UBE2D1: variants seen among roughly 807,000 people sequenced by gnomAD.
The protein encoded by UBE2D1 is ubiquitin-conjugating enzyme E2 D1.
Under a neutral mutation model 24.6 loss-of-function variants are expected in UBE2D1, and 9 were observed. That is an observed-to-expected ratio of 0.37 (90% confidence interval 0.22 to 0.64). The LOEUF (loss-of-function observed/expected upper bound fraction) is 0.64. UBE2D1 is among the 30% of genes least tolerant of loss of function. The pLI, the probability that UBE2D1 is intolerant of heterozygous loss-of-function variation, is 0.64. For missense variants in UBE2D1, 87 were observed against 177.1 expected (o/e 0.49, Z 2.89); for synonymous variants, 57 against 57.6 (o/e 0.99, Z 0.04).
chr10:58,347,073 A>T (rs1840025438), intron 1 of UBE2D1, among the ~76,000 whole-genome samples: 2 of 152,146 alleles, frequency 1.3e-5, no homozygotes, highest in African/African-American at 4.8e-5. Flanking sequence ...CCCAGATATT[A>T]AGATTGTCTG....
chr10:58,341,417 G>T (rs1839960254), intron 1 of UBE2D1, among the ~76,000 whole-genome samples: 1 of 152,104 alleles, frequency 6.6e-6, no homozygotes, highest in African/African-American at 2.4e-5. Context: ...AATAAGCCAC[G>T]ATGTAAATTT....
At chr10:58,359,013 TAAA>T (rs35713196) in intron 1 of UBE2D1, among the ~76,000 whole-genome samples, 1 of 115,146 alleles carries the variant, frequency 8.7e-6, no homozygotes. Context: ...ACCAGCTATT[TAAA>T]AAAAAAAAAA....
At chr10:58,361,073 T>C (rs1840191880) in intron 1 of UBE2D1, 1 of 543,564 alleles carries the variant, frequency 1.8e-6, no homozygotes, top group Admixed American at 3.1e-5. Context: ...AGGTACTCAT[T>C]AAATAGTTTT....
At chr10:58,337,160 A>G (rs1309248825) in intron 1 of UBE2D1, among the ~76,000 whole-genome samples, 2 of 152,152 alleles carry the variant, frequency 1.3e-5, no homozygotes, top group African/African-American at 4.8e-5. Flanking sequence ...AATTACTTAC[A>G]TAGAATTGAT....
intron 1 of UBE2D1, among the ~76,000 whole-genome samples, chr10:58,344,503 C>T (rs1052664536): frequency 1.3e-5 from 2 of 151,584 alleles, no homozygotes; most frequent in African/African-American, 2.4e-5. Context: ...AATGTATTTG[C>T]TGTTTTTTTT....
Position 58,347,669 on chromosome 10 carries a change from C to T in UBE2D1, c.24+12444C>T, listed in dbSNP as rs184822288. 1.6e-4 allele frequency among the ~76,000 whole-genome samples: 21 copies of T among 133,974 alleles called. No homozygotes were observed. The East Asian group carries it at 2.7e-3, about 17-fold the overall frequency. 87.9% of individuals were successfully genotyped at this position (133,974 alleles called of 152,430 possible). A position where few individuals can be genotyped will look rare whatever the true frequency, so the allele number is the denominator to read the frequency against. Reference sequence around the variant, plus strand: ...TTTTTTTTTTTTTTTTGCCCCGAGACGGAGTTTTGCTCTTTTTGCCCAGGC... The same window carrying T: ...TTTTTTTTTTTTTTTTGCCCCGAGATGGAGTTTTGCTCTTTTTGCCCAGGC... On this transcript the variant is annotated intron_variant, in intron 1 of 6. Coordinates refer to ENST00000373910, the MANE Select transcript of UBE2D1 (RefSeq NM_003338.5).
chr10:58,339,788 T>G, intron 1 of UBE2D1, among the ~76,000 whole-genome samples: 1 of 152,222 alleles, frequency 6.6e-6, no homozygotes, highest in South Asian at 2.1e-4. Context: ...TAGAATCTTT[T>G]ATTTAATACC....
chr10:58,338,503 AGAG>A (rs757589311), intron 1 of UBE2D1, among the ~76,000 whole-genome samples: 1 of 152,228 alleles, frequency 6.6e-6, no homozygotes, highest in Non-Finnish European at 1.5e-5. Flanking sequence ...ATGTCTGAAA[AGAG>A]GAGGACAGTT....
Position 58,335,010 on chromosome 10 carries a change from ACT to A in UBE2D1, c.-190_-189del. 1 of 550,752 alleles carries A rather than the reference ACT, an allele frequency of 1.8e-6. No homozygotes were observed. The highest frequency in any genetic ancestry group is 2.0e-5 in the African/African-American group (1 of 49,384). The allele number at this position is 550,752 out of a possible 1,614,324, so 34.1% of individuals were successfully genotyped here. A position where few individuals can be genotyped will look rare whatever the true frequency, so the allele number is the denominator to read the frequency against. On this transcript the variant is annotated 5_prime_UTR_variant, in exon 1 of 7. Coordinates refer to ENST00000373910, the MANE Select transcript of UBE2D1 (RefSeq NM_003338.5). The stretch of plus-strand genomic sequence containing the variant: ...GTCTCGCCGGCGTCCCCGCCCGCAC[ACT>A]CGCGCACACTCGCGCTCGGGCGCAC...
At chr10:58,349,144 T>G (rs1840046216) in intron 1 of UBE2D1, among the ~76,000 whole-genome samples, 2 of 152,250 alleles carry the variant, frequency 1.3e-5, no homozygotes, top group African/African-American at 4.8e-5. Context: ...GTGGCTTTAT[T>G]GTAAGTGCTT....
intron 1 of UBE2D1, among the ~76,000 whole-genome samples, chr10:58,356,377 C>T (rs937830734): frequency 2.6e-5 from 4 of 151,978 alleles, no homozygotes; most frequent in East Asian, 1.9e-4. Flanking sequence ...TTGTATATTA[C>T]GTTCACTTAA....
chr10:58,361,448 G>A (rs1840197331), intron 2 of UBE2D1, 47 bp downstream of exon 2: 1 of 1,614,088 alleles, frequency 6.2e-7, no homozygotes. Flanking sequence ...TAAAAATATA[G>A]GTTTGAACAT....
chr10:58,357,358 A>G (rs1458998010), intron 1 of UBE2D1, among the ~76,000 whole-genome samples: 2 of 152,214 alleles, frequency 1.3e-5, no homozygotes, highest in Non-Finnish European at 2.9e-5. Context: ...TCAGGTAGTA[A>G]GGCAGTTCCA....
At position 58,369,936 on chromosome 10, in the gene UBE2D1, T is replaced by C. The variant is rs1202192358; in HGVS notation, c.*1171T>C. ...GGTCTTTATAGACCTGCACAGTCACTAGATTAATTCATTAAAATGCCCCCA... is the reference window on the plus strand; with the variant it reads ...GGTCTTTATAGACCTGCACAGTCACCAGATTAATTCATTAAAATGCCCCCA... On this transcript the variant is annotated 3_prime_UTR_variant, in exon 7 of 7. Transcript: ENST00000373910. 6.6e-6 allele frequency: 1 copy of C among 152,068 alleles called. No individual in the cohort carries two copies. Among genetic ancestry groups the C allele is most frequent in the Non-Finnish European group, 1.5e-5 (1 of 67,844 alleles). 9.4% of individuals were successfully genotyped at this position (152,068 alleles called of 1,614,324 possible).
chr10:58,348,252 C>T (rs186382268), intron 1 of UBE2D1, among the ~76,000 whole-genome samples: 43 of 152,290 alleles, frequency 2.8e-4, no homozygotes, highest in African/African-American at 1.0e-3. Flanking sequence ...TAAAGAGGTT[C>T]TGTATTTGGA....
At chr10:58,356,217 G>GA (rs1208411031) in intron 1 of UBE2D1, among the ~76,000 whole-genome samples, 5 of 151,994 alleles carry the variant, frequency 3.3e-5, no homozygotes, top group African/African-American at 1.2e-4. Flanking sequence ...AAAACATAAA[G>GA]AAGTAGCAAC....
intron 5 of UBE2D1, among the ~76,000 whole-genome samples, chr10:58,366,099 G>C (rs1840252032): frequency 9.3e-6 from 1 of 107,270 alleles, no homozygotes; most frequent in Non-Finnish European, 1.9e-5. Flanking sequence ...TGTGTTGAAG[G>C]GTTAATTCAA....
intron 1 of UBE2D1, among the ~76,000 whole-genome samples, chr10:58,338,250 T>C (rs1161993665): frequency 6.6e-6 from 1 of 152,224 alleles, no homozygotes; most frequent in Non-Finnish European, 1.5e-5. Flanking sequence ...TAAAATTATA[T>C]GTAAAGACAG....
chr10:58,355,092 A>G (rs1392024509), intron 1 of UBE2D1, among the ~76,000 whole-genome samples: 2 of 152,182 alleles, frequency 1.3e-5, no homozygotes, highest in African/African-American at 4.8e-5. Context: ...GCCTCTGGAA[A>G]ACTCTACTAT....
Sources: gnomAD v4.1 joint callset for allele counts (sites outside exome capture counted in the v4.1 genomes callset) on GRCh38, gnomAD v4.1.1 for gene constraint, MANE v1.5 for transcripts, NCBI Gene and HGNC (gene_info 2026-07-23, HGNC 2026-07-21) for gene names.